The following PLEKHA5 variants were observed in gnomAD, a reference collection of about 807,000 sequenced individuals.
PLEKHA5 encodes pleckstrin homology domain containing A5, also known as pleckstrin homology domain-containing family A member 5.
A neutral mutation model predicts 181.9 loss-of-function variants in PLEKHA5; 55 were observed. That is an observed-to-expected ratio of 0.30 (90% confidence interval 0.24 to 0.38). The LOEUF (loss-of-function observed/expected upper bound fraction) is 0.38, where lower values mean the gene tolerates loss of function less well. Ranked by LOEUF, PLEKHA5 falls within the 10% of genes least tolerant of loss-of-function variation. The pLI is 1.00. For synonymous variants in PLEKHA5, 535 were observed against 529.4 expected (o/e 1.01, Z -0.15); for missense variants, 1,432 against 1,549.5 (o/e 0.92, Z 1.27).
chr12:19,137,892 A>G (rs1321576411), intron 3 of PLEKHA5, among the ~76,000 whole-genome samples: 1 of 152,206 alleles, frequency 6.6e-6, no homozygotes, highest in African/African-American at 2.4e-5. Context: ...TAAGGAGTTA[A>G]TCAAGATGGG....
At chr12:19,282,677 A>G (rs1454597094) in intron 11 of PLEKHA5, among the ~76,000 whole-genome samples, 1 of 152,234 alleles carries the variant, frequency 6.6e-6, no homozygotes, top group Non-Finnish European at 1.5e-5. Flanking sequence ...CAAATAAAAT[A>G]TAGTGACAGA....
chr12:19,314,830 C>T lies in PLEKHA5; in HGVS notation c.2054C>T (p.Pro685Leu). 6.5e-7 allele frequency: 1 copy of T among 1,542,150 alleles called. No homozygotes were observed. The highest frequency in any genetic ancestry group is 1.4e-5 in the African/African-American group (1 of 72,892). Residue 685 changes from proline (P) to leucine (L), a missense_variant, in exon 16 of 32, where the codon CCT (proline) becomes CTT (leucine). By Grantham distance (98) the Pro-to-Leu change is moderately conservative. Coordinates refer to ENST00000429027, the MANE Select transcript of PLEKHA5 (RefSeq NM_001256470.2). Reference sequence around the variant, plus strand: ...TTGAAATAGATGAAAGAAAATGAACCTATTATCACCATGGTTCACACAATG... The same window carrying T: ...TTGAAATAGATGAAAGAAAATGAACTTATTATCACCATGGTTCACACAATG... Reference protein sequence around the residue: ...YLDHQMKENEPIITMVHTMIE... With the variant: ...YLDHQMKENELIITMVHTMIE...
At chr12:19,164,263 A>C (rs780654530) in intron 3 of PLEKHA5, among the ~76,000 whole-genome samples, 1 of 148,728 alleles carries the variant, frequency 6.7e-6, no homozygotes, top group Non-Finnish European at 1.5e-5. Flanking sequence ...CAGTGGTGCA[A>C]ACTCTGCTCA....
intron 20 of PLEKHA5, among the ~76,000 whole-genome samples, chr12:19,329,333 G>A (rs928407040): frequency 6.6e-6 from 1 of 152,112 alleles, no homozygotes; most frequent in Non-Finnish European, 1.5e-5. Context: ...TTTGGTATGA[G>A]GGTGATGTTG....
chr12:19,298,408 C>CA (rs2080489042), intron 15 of PLEKHA5, among the ~76,000 whole-genome samples: 1 of 106,334 alleles, frequency 9.4e-6, no homozygotes, highest in Non-Finnish European at 1.9e-5. Flanking sequence ...ATTTTTTTAG[C>CA]TTTTTTTTTT....
chr12:19,279,226 G>A (rs577144700), intron 11 of PLEKHA5, among the ~76,000 whole-genome samples: 9 of 152,108 alleles, frequency 5.9e-5, no homozygotes, highest in African/African-American at 9.6e-5. Context: ...TATTCATATC[G>A]TGGCAAAATT....
chr12:19,274,412 C>T (rs2073964156), intron 10 of PLEKHA5, 104 bp from the exon 11 acceptor site: 1 of 735,514 alleles, frequency 1.4e-6, no homozygotes, highest in Non-Finnish European at 2.2e-6. Context: ...TTCCAGTCCC[C>T]TGGCCCCCAC....
intron 30 of PLEKHA5, among the ~76,000 whole-genome samples, chr12:19,366,470 T>C (rs1422877741): frequency 1.3e-5 from 2 of 152,090 alleles, no homozygotes; most frequent in Non-Finnish European, 2.9e-5. Context: ...CTGGCCAAGA[T>C]AGTGAAACCC....
At chr12:19,360,655 A>G (rs940233526) in intron 28 of PLEKHA5, among the ~76,000 whole-genome samples, 2 of 152,152 alleles carry the variant, frequency 1.3e-5, no homozygotes, top group African/African-American at 2.4e-5. Flanking sequence ...AAAAAAATGC[A>G]TTAACTGAAA....
chr12:19,366,026 AG>A lies in PLEKHA5; in HGVS notation c.3672del (p.Asn1225ThrfsTer28). ...GAAGAGCATCCTGAAGAAAATACAA[AG>A]AACAGTGTTGACGAACAGGAAGAAA... ...KPEEHPEENT[K>X]NSVDEQEETV... On this transcript the variant is annotated frameshift_variant, in exon 30 of 32. Coordinates refer to ENST00000429027, the MANE Select transcript of PLEKHA5 (RefSeq NM_001256470.2). LOFTEE classifies it high-confidence loss of function. 6.2e-7 allele frequency: 1 copy of A among 1,612,224 alleles called. No homozygotes were observed. The highest frequency in any genetic ancestry group is 8.5e-7 in the Non-Finnish European group (1 of 1,178,660).
chr12:19,232,535 A>G (rs1420609938), intron 3 of PLEKHA5, among the ~76,000 whole-genome samples: 9 of 152,168 alleles, frequency 5.9e-5, no homozygotes, highest in Non-Finnish European at 1.3e-4. Flanking sequence ...TGAAAACTTG[A>G]TATTTTCAAA....
chr12:19,133,260 A>G (rs2034554782), intron 3 of PLEKHA5, among the ~76,000 whole-genome samples: 1 of 152,026 alleles, frequency 6.6e-6, no homozygotes, highest in African/African-American at 2.4e-5. Flanking sequence ...TTCAAACTTA[A>G]TAACTTAGTA....
At chr12:19,302,863 A>G (rs2081943895) in intron 15 of PLEKHA5, among the ~76,000 whole-genome samples, 1 of 148,076 alleles carries the variant, frequency 6.8e-6, no homozygotes, top group Admixed American at 6.8e-5. Flanking sequence ...GAACATTTCC[A>G]TCATCACAGA....
At chr12:19,159,556 TTC>T (rs1192605642) in intron 3 of PLEKHA5, among the ~76,000 whole-genome samples, 2 of 152,186 alleles carry the variant, frequency 1.3e-5, no homozygotes, top group African/African-American at 2.4e-5. Flanking sequence ...ATTCTGTTTA[TTC>T]TGTTATTAAA....
chr12:19,279,664 A>G (rs970460163), intron 11 of PLEKHA5, among the ~76,000 whole-genome samples: 5 of 151,792 alleles, frequency 3.3e-5, no homozygotes, highest in African/African-American at 7.3e-5. Context: ...CATCTCAAAA[A>G]AAAAAAAAAT....
intron 21 of PLEKHA5, among the ~76,000 whole-genome samples, chr12:19,341,436 T>TGTA (rs1363672904): frequency 7.2e-5 from 11 of 152,164 alleles, no homozygotes; most frequent in African/African-American, 2.7e-4. Context: ...TAATACATGT[T>TGTA]GTATATAGAT....
intron 3 of PLEKHA5, among the ~76,000 whole-genome samples, chr12:19,135,262 T>TATA (rs2035269521): frequency 1.3e-5 from 2 of 152,142 alleles, no homozygotes; most frequent in Admixed American, 1.3e-4. Flanking sequence ...GTATTGACAC[T>TATA]TGCATCTCTG....
intron 7 of PLEKHA5, among the ~76,000 whole-genome samples, chr12:19,264,183 G>A (rs1163522784): frequency 1.3e-5 from 2 of 151,986 alleles, no homozygotes; most frequent in African/African-American, 4.8e-5. Flanking sequence ...ACAATCTTTT[G>A]AGGTAAGTCC....
chr12:19,266,250 G>T, intron 8 of PLEKHA5, among the ~76,000 whole-genome samples: 1 of 151,420 alleles, frequency 6.6e-6, no homozygotes, highest in East Asian at 1.9e-4. Context: ...AAGGTGGGAG[G>T]ATCACTTGAG....
Sources: allele counts gnomAD v4.1 joint callset (sites outside exome capture counted in the v4.1 genomes callset), GRCh38; gene constraint gnomAD v4.1.1; transcripts MANE v1.5; gene names NCBI Gene and HGNC (gene_info 2026-07-23, HGNC 2026-07-21).